ANKRD31: variants seen among roughly 807,000 people sequenced by gnomAD.
ANKRD31 encodes ankyrin repeat domain-containing protein 31.
In ANKRD31, 147 loss-of-function variants were observed where a neutral mutation model predicts 186.0. The ratio of observed to expected loss-of-function variants is 0.79; its 90% confidence interval spans 0.69 to 0.91. ANKRD31 has a LOEUF of 0.91. Ranked by LOEUF, ANKRD31 falls within the 40% of genes least tolerant of loss-of-function variation. The pLI is 0.00. For missense variants in ANKRD31, 1,986 were observed against 2,148.8 expected, an observed-to-expected ratio of 0.92 and a Z score of 1.50; for synonymous variants, 673 against 736.4, an observed-to-expected ratio of 0.91 and a Z score of 1.39.
chr5:75,165,029 T>C (rs1752823992), intron 11 of ANKRD31, among the ~76,000 whole-genome samples: 1 of 152,248 alleles, frequency 6.6e-6, no homozygotes, highest in Non-Finnish European at 1.5e-5. Flanking sequence ...CTGTGATATG[T>C]ATGGCATTTT....
At chr5:75,154,827 G>A (rs1026287613) in intron 11 of ANKRD31, among the ~76,000 whole-genome samples, 2 of 151,980 alleles carry the variant, frequency 1.3e-5, no homozygotes, top group African/African-American at 4.8e-5. Context: ...CTGTGCTGCC[G>A]CTGCTCCTCC....
chr5:75,173,995 T>G (rs75159672), intron 10 of ANKRD31, among the ~76,000 whole-genome samples: 33,364 of 152,156 alleles, frequency 0.22, 3,829 homozygotes, highest in South Asian at 0.4. Context: ...AAGGTTACAG[T>G]AATCAAAACA....
intron 11 of ANKRD31, among the ~76,000 whole-genome samples, chr5:75,155,562 C>A (rs1222830249): frequency 6.6e-6 from 1 of 152,000 alleles, no homozygotes; most frequent in African/African-American, 2.4e-5. Context: ...ATCTTAGTAT[C>A]TTACGTGAAG....
At position 75,168,341 on chromosome 5, in the gene ANKRD31, A is replaced by C. The variant is rs113293247; in HGVS notation, c.1707+638T>G. On this transcript the variant is annotated intron_variant, in intron 11 of 25. Coordinates refer to ENST00000506364, the MANE Select transcript of ANKRD31 (RefSeq NM_001372053.1). ...TTCAGTAACTGAAATGAATAACAAG[A>C]TATCTTCAGCAAGTGCCTCAGCCTT... 2.6e-3 allele frequency among the ~76,000 whole-genome samples: 394 copies of C among 152,280 alleles called. 2 individuals carry two copies. Among genetic ancestry groups the C allele is most frequent in the African/African-American group, 8.4e-3 (351 of 41,556 alleles).
At chr5:75,095,941 T>G (rs1746286860) in intron 22 of ANKRD31, among the ~76,000 whole-genome samples, 1 of 152,066 alleles carries the variant, frequency 6.6e-6, no homozygotes, top group Admixed American at 6.6e-5. Flanking sequence ...AGAAGATCAG[T>G]GAGGAAAAAG....
intron 11 of ANKRD31, among the ~76,000 whole-genome samples, chr5:75,154,915 C>T (rs902852760): frequency 1.3e-5 from 2 of 152,040 alleles, no homozygotes; most frequent in African/African-American, 2.4e-5. Flanking sequence ...TACAGCTCTC[C>T]CTGAGCTCCC....
intron 4 of ANKRD31, 40 bp from the exon 5 acceptor site, chr5:75,206,527 G>GA (rs1561536536): frequency 3.4e-6 from 4 of 1,166,352 alleles, no homozygotes; most frequent in East Asian, 6.0e-5. Flanking sequence ...TAAAATGGAA[G>GA]AAAAAATAGT....
At chr5:75,228,548 GA>G (rs147147411) in intron 2 of ANKRD31, among the ~76,000 whole-genome samples, 8,276 of 151,436 alleles carry the variant, frequency 0.055, 525 homozygotes, top group African/African-American at 0.15. Context: ...TATAGACAAG[GA>G]AAAAAATGTA....
At chr5:75,134,416 G>A (rs5939960) in intron 17 of ANKRD31, among the ~76,000 whole-genome samples, 6 of 152,072 alleles carry the variant, frequency 3.9e-5, no homozygotes, top group Non-Finnish European at 8.8e-5. Context: ...AAATCTAGAA[G>A]AAATGGATAA....
intron 3 of ANKRD31, among the ~76,000 whole-genome samples, chr5:75,213,991 TA>T (rs1446888659): frequency 3.9e-5 from 6 of 152,236 alleles, no homozygotes; most frequent in African/African-American, 1.4e-4. Flanking sequence ...TGGTATTCAA[TA>T]AGCGTTTGAA....
At chr5:75,144,835 C>T (rs866216808) in intron 14 of ANKRD31, among the ~76,000 whole-genome samples, 9 of 152,092 alleles carry the variant, frequency 5.9e-5, no homozygotes, top group Middle Eastern at 6.8e-3. Context: ...AAAATTTTTG[C>T]GATCTATCCA....
intron 23 of ANKRD31, among the ~76,000 whole-genome samples, chr5:75,087,123 T>C (rs1745552466): frequency 6.6e-6 from 1 of 152,240 alleles, no homozygotes; most frequent in Non-Finnish European, 1.5e-5. Context: ...CCTTTGCATA[T>C]ACTTCCCTTC....
rs781636611 is a variant in ANKRD31, at chr5:75,193,467, G to A, written c.1142C>T (p.Ala381Val). The change falls in exon 8 of 26, where the codon GCG becomes GTG. Residue 381 changes from alanine (A) to valine (V), a missense_variant. By Grantham distance (64) the Ala-to-Val change is moderately conservative (BLOSUM62 0). Coordinates refer to ENST00000506364, the MANE Select transcript of ANKRD31 (RefSeq NM_001372053.1). ...TCTGGATGATCTCCTCAACACACAC[G>A]CAGTTTCCTGATCAGAGCTATTTGT... Reference protein sequence around the residue: ...SVTNSSDQETACVLRRSSRLE... With the variant: ...SVTNSSDQETVCVLRRSSRLE... 2.5e-5 allele frequency: 38 copies of A among 1,537,168 alleles called. No homozygotes were observed. Among genetic ancestry groups the A allele is most frequent in the Admixed American group, 3.9e-5 (2 of 50,960 alleles).
intron 22 of ANKRD31, among the ~76,000 whole-genome samples, chr5:75,101,293 T>G (rs867667528): frequency 6.6e-6 from 1 of 152,216 alleles, no homozygotes; most frequent in Non-Finnish European, 1.5e-5. Context: ...CCAAGAGATC[T>G]GCTGTTAGTC....
intron 17 of ANKRD31, among the ~76,000 whole-genome samples, chr5:75,124,110 TA>T (rs1377972294): frequency 6.6e-6 from 1 of 151,874 alleles, no homozygotes; most frequent in African/African-American, 2.4e-5. Flanking sequence ...ATAGCCCCAT[TA>T]AAAAACTGGC....
At chr5:75,139,117 T>C in intron 15 of ANKRD31, 134 bp from the exon 16 acceptor site, 1 of 1,009,016 alleles carries the variant, frequency 9.9e-7, no homozygotes, top group Non-Finnish European at 1.4e-6. Flanking sequence ...TTATCATTGC[T>C]GTTATTGTTT....
At chr5:75,136,067 A>C (rs1750549086) in intron 17 of ANKRD31, among the ~76,000 whole-genome samples, 1 of 152,228 alleles carries the variant, frequency 6.6e-6, no homozygotes, top group Admixed American at 6.5e-5. Context: ...AAAACCGCAG[A>C]AAACCTAGGC....
intron 4 of ANKRD31, among the ~76,000 whole-genome samples, chr5:75,208,011 C>A (rs1756365704): frequency 6.6e-6 from 1 of 151,870 alleles, no homozygotes; most frequent in African/African-American, 2.4e-5. Context: ...TTTTAAATGA[C>A]AGCAATAATC....
chr5:75,193,266 T>C (rs1405989156), intron 8 of ANKRD31, 45 bp downstream of exon 8: 1 of 1,506,080 alleles, frequency 6.6e-7, no homozygotes, highest in Non-Finnish European at 8.9e-7. Flanking sequence ...TTATCTATAA[T>C]GTCTATAGCA....
Sources: allele counts gnomAD v4.1 joint callset (sites outside exome capture counted in the v4.1 genomes callset), GRCh38; gene constraint gnomAD v4.1.1; transcripts MANE v1.5; gene names NCBI Gene and HGNC (gene_info 2026-07-23, HGNC 2026-07-21).